The following USP32 variants were observed in gnomAD, a reference collection of about 807,000 sequenced individuals.
USP32 encodes the protein ubiquitin specific peptidase 32.
Under a neutral mutation model 204.8 loss-of-function variants are expected in USP32, and 59 were observed. The ratio of observed to expected loss-of-function variants is 0.29; its 90% CI spans 0.23 to 0.36. The LOEUF (loss-of-function observed/expected upper bound fraction) is 0.36. Ranked by LOEUF, USP32 falls within the 10% of genes least tolerant of loss-of-function variation. The pLI is 1.00. For synonymous variants in USP32, 517 were observed against 678.4 expected (o/e 0.76, Z 3.70); for missense variants, 1,160 against 1,946.4 (o/e 0.60, Z 7.60).
intron 9 of USP32, among the ~76,000 whole-genome samples, chr17:60,257,806 T>C (rs568665951): frequency 1.3e-5 from 2 of 152,040 alleles, no homozygotes; most frequent in East Asian, 1.9e-4. Flanking sequence ...GTTTTTTTTT[T>C]CCTTCAATCT....
chr17:60,307,759 C>A (rs149085831), intron 2 of USP32, among the ~76,000 whole-genome samples: 1 of 152,212 alleles, frequency 6.6e-6, no homozygotes. Flanking sequence ...GCCTTGGTGC[C>A]CAAATGTTGC....
intron 1 of USP32, among the ~76,000 whole-genome samples, chr17:60,350,735 A>C (rs922093554): frequency 6.6e-6 from 1 of 152,216 alleles, no homozygotes; most frequent in Admixed American, 6.5e-5. Flanking sequence ...TACAGTGAGA[A>C]TAAAAGAAGA....
chr17:60,273,113 C>G (rs1426048681), intron 5 of USP32, among the ~76,000 whole-genome samples: 3 of 152,126 alleles, frequency 2.0e-5, no homozygotes, highest in Admixed American at 1.3e-4. Flanking sequence ...GCTGGGATAG[C>G]AGGCATGCAC....
At chr17:60,237,131 TATC>T (rs1208148481) in intron 11 of USP32, among the ~76,000 whole-genome samples, 2 of 151,030 alleles carry the variant, frequency 1.3e-5, no homozygotes, top group African/African-American at 4.9e-5. Context: ...TCTATCTATC[TATC>T]TATCTATCTA....
intron 27 of USP32, among the ~76,000 whole-genome samples, chr17:60,195,059 A>G (rs1257314500): frequency 6.6e-6 from 1 of 152,212 alleles, no homozygotes; most frequent in Non-Finnish European, 1.5e-5. Flanking sequence ...GGCCACTCTT[A>G]TTTCATCCAT....
intron 1 of USP32, among the ~76,000 whole-genome samples, chr17:60,375,047 A>C (rs1370526884): frequency 6.6e-6 from 1 of 152,168 alleles, no homozygotes; most frequent in Non-Finnish European, 1.5e-5. Flanking sequence ...CATTAGTGAA[A>C]TTTTCTCCCT....
intron 9 of USP32, among the ~76,000 whole-genome samples, chr17:60,255,603 AAC>A (rs2086282134): frequency 6.6e-6 from 1 of 152,186 alleles, no homozygotes; most frequent in African/African-American, 2.4e-5. Flanking sequence ...AATGTTGACT[AAC>A]ACAGAAAAGT....
At position 60,406,794 on chromosome 17, in the gene USP32, A is replaced by G. The variant is rs1056458374; in HGVS notation, c.106+15452T>C. Reference sequence around the variant, plus strand: ...CTCCCAAAGTACTGGGATTACAGACATGAGCCACTGCGCCTGGCCTTTCTT... The same window carrying G: ...CTCCCAAAGTACTGGGATTACAGACGTGAGCCACTGCGCCTGGCCTTTCTT... On this transcript the variant is annotated intron_variant, in intron 1 of 3. Transcript: ENST00000588898. Among the ~76,000 whole-genome samples, 6 of 152,124 alleles carry G rather than the reference A, an allele frequency of 3.9e-5. No homozygotes were observed. In the East Asian group the frequency reaches 9.6e-4, roughly 24 times the overall value.
intron 16 of USP32, among the ~76,000 whole-genome samples, chr17:60,216,695 C>T (rs1437999885): frequency 2.0e-5 from 3 of 151,948 alleles, no homozygotes; most frequent in Non-Finnish European, 4.4e-5. Context: ...ATACTTGTCA[C>T]TTCAAAAGGA....
intron 3 of USP32, among the ~76,000 whole-genome samples, chr17:60,296,252 C>T (rs533460682): frequency 1.4e-4 from 21 of 152,186 alleles, no homozygotes; most frequent in Non-Finnish European, 2.9e-4. Context: ...ATACTGAAGT[C>T]CTAACCTTGA....
chr17:60,414,855 C>CTT (rs778384707), intron 1 of USP32, among the ~76,000 whole-genome samples: 2 of 133,648 alleles, frequency 1.5e-5, no homozygotes, highest in African/African-American at 5.4e-5. Context: ...TTCTTTCTTT[C>CTT]TTTTTTTTTT....
chr17:60,283,988 G>C (rs372218447), intron 5 of USP32, among the ~76,000 whole-genome samples: 1 of 152,056 alleles, frequency 6.6e-6, no homozygotes, highest in Non-Finnish European at 1.5e-5. Context: ...AGTAAAACTC[G>C]TAAGAAATAA....
intron 1 of USP32, among the ~76,000 whole-genome samples, chr17:60,401,051 G>C (rs950531421): frequency 6.6e-6 from 1 of 152,124 alleles, no homozygotes; most frequent in African/African-American, 2.4e-5. Context: ...AGCTACTTAG[G>C]AGGCTGTGGT....
chr17:60,340,526 A>G (rs1343964471), intron 2 of USP32, among the ~76,000 whole-genome samples: 2 of 152,176 alleles, frequency 1.3e-5, no homozygotes, highest in South Asian at 2.1e-4. Context: ...TGCTTGGTAG[A>G]TCTTTCTCCA....
chr17:60,203,803 C>T (rs1051804544), intron 26 of USP32, among the ~76,000 whole-genome samples: 6 of 152,196 alleles, frequency 3.9e-5, no homozygotes, highest in Admixed American at 3.3e-4. Context: ...TCTCGAACTC[C>T]TGACCTCACG....
chr17:60,392,921 A>G (rs1182086610), upstream of USP32, among the ~76,000 whole-genome samples: 1 of 152,172 alleles, frequency 6.6e-6, no homozygotes, highest in Non-Finnish European at 1.5e-5. Context: ...CCCGAGAAAC[A>G]TGAGGGCTAC....
intron 16 of USP32, among the ~76,000 whole-genome samples, chr17:60,218,905 T>G (rs1321923029): frequency 1.3e-5 from 2 of 152,226 alleles, no homozygotes; most frequent in East Asian, 3.8e-4. Flanking sequence ...ATTATTTCTT[T>G]ACTGCTGAAG....
chr17:60,393,845 T>A (rs2146151359), upstream of USP32, among the ~76,000 whole-genome samples: 1 of 152,164 alleles, frequency 6.6e-6, no homozygotes, highest in East Asian at 1.9e-4. Context: ...CCACCATGCC[T>A]GGCTAATTTT....
At chr17:60,284,436 G>A (rs561634960) in intron 5 of USP32, among the ~76,000 whole-genome samples, 2 of 151,684 alleles carry the variant, frequency 1.3e-5, no homozygotes, top group East Asian at 1.9e-4. Flanking sequence ...TGACCAGGCT[G>A]GTCTCGAACT....
Sources: gnomAD v4.1 joint callset for allele counts (sites outside exome capture counted in the v4.1 genomes callset) on GRCh38, gnomAD v4.1.1 for gene constraint, MANE v1.5 for transcripts, NCBI Gene and HGNC (gene_info 2026-07-23, HGNC 2026-07-21) for gene names.